EIF4E3: variants seen among roughly 807,000 people sequenced by gnomAD.
The protein encoded by EIF4E3 is eukaryotic translation initiation factor 4E family member 3.
EIF4E3 carries 26 observed loss-of-function variants against 31.7 expected under a neutral mutation model. That is an observed-to-expected ratio of 0.82 (90% confidence interval 0.60 to 1.14). The LOEUF is 1.14. Ranked by LOEUF, EIF4E3 falls within the 50% of genes most tolerant of loss-of-function variation. EIF4E3 has a pLI of 0.00. For synonymous variants in EIF4E3, 128 were observed against 107.7 expected, an observed-to-expected ratio of 1.19 and a Z score of -1.17; for missense variants, 304 against 270.9, an observed-to-expected ratio of 1.12 and a Z score of -0.86.
chr3:71,711,269 T>C (rs1442952917), intron 1 of EIF4E3, among the ~76,000 whole-genome samples: 2 of 152,206 alleles, frequency 1.3e-5, no homozygotes, highest in Non-Finnish European at 2.9e-5. Flanking sequence ...CTCTCTATAT[T>C]GAATTAGCAG....
At chr3:71,714,728 C>T (rs1222196231) in intron 1 of EIF4E3, among the ~76,000 whole-genome samples, 1 of 152,210 alleles carries the variant, frequency 6.6e-6, no homozygotes, top group Non-Finnish European at 1.5e-5. Flanking sequence ...ACAGGTCAGT[C>T]TGTACTGGAC....
At chr3:71,669,450 G>A in the EIF4E3 span, among the ~76,000 whole-genome samples, 1 of 152,058 alleles carries the variant, frequency 6.6e-6, no homozygotes, top group Non-Finnish European at 1.5e-5. Context: ...GTATCGTCAT[G>A]GATAAATACA....
At chr3:71,718,751 T>C (rs1448921226) in intron 1 of EIF4E3, among the ~76,000 whole-genome samples, 3 of 152,238 alleles carry the variant, frequency 2.0e-5, no homozygotes, top group South Asian at 4.1e-4. Flanking sequence ...CATACTTTTC[T>C]GCAAGAAGCA....
rs916181777 is a variant in EIF4E3 at position 71,677,858 on chromosome 3, T to G, written c.*6824A>C. ...GGACAACTGAATCTCACCAGCAAAT[T>G]GCAGCACAAAAGAGCAACGAGAGTA... On this transcript the variant is annotated 3_prime_UTR_variant, in exon 7 of 7. Coordinates refer to ENST00000425534, the MANE Select transcript of EIF4E3 (RefSeq NM_001134651.2). 6 of 152,178 alleles carry G rather than the reference T, an allele frequency of 3.9e-5. No homozygotes were observed. Among genetic ancestry groups the G allele is most frequent in the Non-Finnish European group, 7.4e-5 (5 of 68,006 alleles). The allele number at this position is 152,178 out of a possible 1,614,324, so 9.4% of individuals were successfully genotyped here. A position where few individuals can be genotyped will look rare whatever the true frequency, so the allele number is the denominator to read the frequency against.
At chr3:71,708,402 G>A (rs1030564770) in intron 2 of EIF4E3, among the ~76,000 whole-genome samples, 6 of 152,118 alleles carry the variant, frequency 3.9e-5, no homozygotes, top group African/African-American at 9.7e-5. Flanking sequence ...TTGTATGTGC[G>A]TACCCTTGTC....
At chr3:71,753,647 CGCGGCGGCGGCGGCGGCG>C (rs981511310), upstream of EIF4E3, 1 of 147,240 alleles carries the variant, frequency 6.8e-6, no homozygotes, top group African/African-American at 2.5e-5. Flanking sequence ...GAGGGGGCTC[CGCGGCGGCGGCGGCGGCG>C]GCGGCAGCGG....
chr3:71,734,109 A>G (rs950776170), intron 1 of EIF4E3, among the ~76,000 whole-genome samples: 2 of 152,228 alleles, frequency 1.3e-5, no homozygotes, highest in Non-Finnish European at 2.9e-5. Flanking sequence ...TTATCTACAT[A>G]ATGGCAGGTT....
At chr3:71,666,098 A>T in the EIF4E3 span, among the ~76,000 whole-genome samples, 1 of 152,220 alleles carries the variant, frequency 6.6e-6, no homozygotes, top group African/African-American at 2.4e-5. Context: ...CTAATATCAG[A>T]CCTGAACTGA....
intron 6 of EIF4E3, 54 bp downstream of exon 6, chr3:71,689,956 T>C (rs2049040606): frequency 7.1e-7 from 1 of 1,416,494 alleles, no homozygotes; most frequent in African/African-American, 1.5e-5. Context: ...GTTTCTATCT[T>C]TAAAAGTATG....
chr3:71,734,090 A>C (rs1466055240), intron 1 of EIF4E3, among the ~76,000 whole-genome samples: 1 of 152,200 alleles, frequency 6.6e-6, no homozygotes, highest in African/African-American at 2.4e-5. Context: ...CATTCTTATT[A>C]GTTACATATT....
intron 1 of EIF4E3, among the ~76,000 whole-genome samples, chr3:71,718,165 G>A (rs553899510): frequency 6.6e-5 from 10 of 152,200 alleles, no homozygotes; most frequent in Admixed American, 6.5e-4. Context: ...AGCTGTCAGA[G>A]GGAAAATTTG....
At chr3:71,671,678 A>G (rs1374411075), downstream of EIF4E3, among the ~76,000 whole-genome samples, 2 of 152,124 alleles carry the variant, frequency 1.3e-5, no homozygotes, top group African/African-American at 2.4e-5. Context: ...GCTGCGTGGA[A>G]GCAGATCCCA....
intron 1 of EIF4E3, among the ~76,000 whole-genome samples, chr3:71,752,158 T>A (rs1196326258): frequency 6.6e-6 from 1 of 152,150 alleles, no homozygotes; most frequent in Non-Finnish European, 1.5e-5. Flanking sequence ...CAAAGTAAGG[T>A]CAGCAGACCA....
chr3:71,725,050 G>C lies in EIF4E3; in HGVS notation c.176+142C>G. The C allele has an allele frequency of 1.6e-6, 1 of 606,838 alleles. No homozygotes were observed. The highest frequency in any genetic ancestry group is 2.1e-6 in the Non-Finnish European group (1 of 479,508). 37.6% of individuals were successfully genotyped at this position (606,838 alleles called of 1,614,324 possible). A position where few individuals can be genotyped will look rare whatever the true frequency, so the allele number is the denominator to read the frequency against. On this transcript the variant is annotated intron_variant, in intron 1 of 6. Transcript: ENST00000425534. This position sits in a 1 kb window ranked among gnomAD's most constrained non-coding sequence, Gnocchi z 6.1. Reference sequence around the variant, plus strand: ...TCCGACCCGGCGGGGCGAGTCCCGGGGTGCGCAGGCGGACGCGCGGAGGGG... The same window carrying C: ...TCCGACCCGGCGGGGCGAGTCCCGGCGTGCGCAGGCGGACGCGCGGAGGGG...
In EIF4E3 at chr3:71,741,194, G is replaced by GCACACA. The variant is rs147940981; in HGVS notation, c.-291+12263_-291+12268dup. On this transcript the variant is annotated intron_variant, in intron 1 of 7. Transcript: ENST00000295612. Reference sequence around the variant, plus strand: ...CATCCATGCACATGCACATGCACGCGCACACACACACACACACACACATCC... The same window carrying GCACACA: ...CATCCATGCACATGCACATGCACGCGCACACACACACACACACACACACACACATCC... Among the ~76,000 whole-genome samples the GCACACA allele has an allele frequency of 3.5e-3, 518 of 149,260 alleles. 1 individual carries two copies. Among genetic ancestry groups the GCACACA allele is most frequent in the African/African-American group, 9.6e-3 (394 of 40,852 alleles).
intron 6 of EIF4E3, 139 bp downstream of exon 6, chr3:71,689,871 T>A (rs1051456287): frequency 1.2e-6 from 1 of 839,244 alleles, no homozygotes; most frequent in Middle Eastern, 4.2e-4. Flanking sequence ...AAAAAAAACT[T>A]AAATGTATTT....
intron 4 of EIF4E3, among the ~76,000 whole-genome samples, chr3:71,696,249 C>T (rs9876950): frequency 0.37 from 55,688 of 152,024 alleles, 10,872 homozygotes; most frequent in African/African-American, 0.51. Flanking sequence ...CAGTCACATA[C>T]TACACCACGT....
At chr3:71,733,079 C>T (rs184258511) in intron 1 of EIF4E3, among the ~76,000 whole-genome samples, 40 of 152,296 alleles carry the variant, frequency 2.6e-4, no homozygotes, top group Admixed American at 7.8e-4. Context: ...TTTGTATGCT[C>T]GTTGGGGATC....
intron 1 of EIF4E3, among the ~76,000 whole-genome samples, chr3:71,711,704 C>CTG (rs2049381603): frequency 2.6e-5 from 4 of 152,214 alleles, no homozygotes; most frequent in Admixed American, 2.6e-4. Context: ...TGGCCAGCCG[C>CTG]TGTGGCTCAT....
Sources: gnomAD v4.1 joint callset for allele counts (sites outside exome capture counted in the v4.1 genomes callset) on GRCh38, gnomAD v4.1.1 for gene constraint, Gnocchi (gnomAD v3.1) non-coding constraint, MANE v1.5 for transcripts, NCBI Gene and HGNC (gene_info 2026-07-23, HGNC 2026-07-21) for gene names.